Variants in TRIO observed in about 807,000 individuals in gnomAD.
TRIO encodes the protein triple functional domain protein.
TRIO carries 58 observed loss-of-function variants against 351.9 expected under a neutral mutation model. That is an observed-to-expected ratio of 0.16 (90% CI 0.13 to 0.21). The LOEUF (loss-of-function observed/expected upper bound fraction) is 0.21. TRIO is among the 10% of genes least tolerant of loss of function. The pLI is 1.00. For missense variants in TRIO, 3,201 were observed against 4,027.8 expected (o/e 0.79, Z 5.56); for synonymous variants, 1,758 against 1,595.7 (o/e 1.10, Z -2.42).
At chr5:14,244,002 C>A (rs1471543656) in intron 1 of TRIO, among the ~76,000 whole-genome samples, 1 of 152,222 alleles carries the variant, frequency 6.6e-6, no homozygotes, top group Non-Finnish European at 1.5e-5. Flanking sequence ...CCAGGACCTG[C>A]TTGGCTGTGC....
rs1795937041 is a variant in TRIO at position 14,270,850 on chromosome 5, A to G, written c.183A>G (p.Lys61=). 1 of 1,613,928 alleles carries G rather than the reference A, an allele frequency of 6.2e-7. No individual in the cohort carries two copies. The highest frequency in any genetic ancestry group is 1.7e-5 in the Admixed American group (1 of 59,984). ...GGTTTCGAAAAAACGATGAAATGAA[A>G]GCTATGGATGTTTTACCAATTTTGA... ...RSGFRKNDEM[K]AMDVLPILKE... is the part of the protein sequence containing the mutation. The change falls in exon 2 of 57, where the codon AAA becomes AAG. Residue 61 remains lysine (K), a synonymous_variant. Coordinates refer to ENST00000344204, the MANE Select transcript of TRIO (RefSeq NM_007118.4).
intron 45 of TRIO, 92 bp from the exon 46 acceptor site, chr5:14,482,490 A>G (rs532588259): frequency 3.0e-4 from 301 of 1,011,778 alleles, no homozygotes; most frequent in Non-Finnish European, 3.7e-4. Flanking sequence ...ACATTATTCC[A>G]TAGGAGGAAA....
intron 21 of TRIO, 46 bp from the exon 22 acceptor site, chr5:14,387,392 A>G (rs1402886686): frequency 1.9e-6 from 3 of 1,546,534 alleles, no homozygotes; most frequent in Middle Eastern, 3.5e-4. Context: ...GGTTTCTGGC[A>G]GTCGGATTCA....
In TRIO at chr5:14,481,606, G is replaced by T. The variant is rs778599236; in HGVS notation, c.6453G>T (p.Leu2151=). Residue 2151 remains leucine (L), a synonymous_variant, in exon 45 of 57, where the codon CTG becomes CTT. Transcript: ENST00000344204. ...ACGACATGATGAACGTGGGGCGGCTGCAAGGATTCGACGTAATGCGGCTCT... is the reference window on the plus strand; with the variant it reads ...ACGACATGATGAACGTGGGGCGGCTTCAAGGATTCGACGTAATGCGGCTCT... ...RCNDMMNVGR[L]QGFDGKIVAQ... 3.1e-6 allele frequency: 5 copies of T among 1,613,970 alleles called. No homozygotes were observed. The East Asian group carries it at 1.1e-4, about 36-fold the overall frequency.
At chr5:14,203,231 A>G (rs1422454916) in intron 1 of TRIO, among the ~76,000 whole-genome samples, 1 of 151,242 alleles carries the variant, frequency 6.6e-6, no homozygotes, top group Non-Finnish European at 1.5e-5. Flanking sequence ...AGAATGTCCT[A>G]TAATAGGCAA....
intron 53 of TRIO, among the ~76,000 whole-genome samples, chr5:14,500,912 A>AAC (rs1379192678): frequency 3.5e-5 from 5 of 141,046 alleles, no homozygotes; most frequent in East Asian, 2.0e-4. Flanking sequence ...AAAAAAAAAA[A>AAC]ACACACAGGG....
chr5:14,452,268 A>T (rs903832793), intron 34 of TRIO, among the ~76,000 whole-genome samples: 1 of 152,196 alleles, frequency 6.6e-6, no homozygotes. Flanking sequence ...GCTCTGCTTC[A>T]TCCTGCTTTC....
Position 14,280,447 on chromosome 5 carries a change from T to C in TRIO, c.347+11T>C, listed in dbSNP as rs996367159. ...AGCCTGTATTCCCAGGTAAGTTCTG[T>C]GTGGCTTGTGCTTGTCACTGATGTC... On this transcript the variant is annotated intron_variant, in intron 3 of 56. Coordinates refer to ENST00000344204, the MANE Select transcript of TRIO (RefSeq NM_007118.4). The C allele has an allele frequency of 6.2e-7, 1 of 1,608,924 alleles. No homozygotes were observed. Among genetic ancestry groups the C allele is most frequent in the Non-Finnish European group, 8.5e-7 (1 of 1,175,206 alleles).
chr5:14,423,489 A>G (rs532532665), intron 34 of TRIO, among the ~76,000 whole-genome samples: 20 of 152,338 alleles, frequency 1.3e-4, no homozygotes, highest in African/African-American at 4.3e-4. Context: ...AGAAATGTCA[A>G]GAATGTGTAT....
chr5:14,428,651 T>G (rs1419552257), intron 34 of TRIO, among the ~76,000 whole-genome samples: 5 of 152,256 alleles, frequency 3.3e-5, no homozygotes, highest in Non-Finnish European at 7.3e-5. Context: ...GTTTGAGGTA[T>G]TTTCGTGTTC....
intron 1 of TRIO, among the ~76,000 whole-genome samples, chr5:14,146,898 C>T (rs966402172): frequency 5.3e-5 from 8 of 152,204 alleles, no homozygotes; most frequent in African/African-American, 1.4e-4. Context: ...GCTGTCATTC[C>T]GTTCTCTGCT....
At chr5:14,442,448 C>T (rs965783722) in intron 34 of TRIO, among the ~76,000 whole-genome samples, 2 of 152,106 alleles carry the variant, frequency 1.3e-5, no homozygotes, top group Non-Finnish European at 2.9e-5. Context: ...GGGGAAGTGG[C>T]GCTGCTTAAC....
intron 4 of TRIO, among the ~76,000 whole-genome samples, chr5:14,287,721 A>G (rs924016170): frequency 6.6e-6 from 1 of 152,204 alleles, no homozygotes; most frequent in Non-Finnish European, 1.5e-5. Context: ...GTTTAATGAG[A>G]TGATTATGGG....
At chr5:14,180,634 G>C (rs33027) in intron 1 of TRIO, among the ~76,000 whole-genome samples, 65,867 of 152,014 alleles carry the variant, frequency 0.43, 16,626 homozygotes, top group Non-Finnish European at 0.56. Context: ...AGGAATTTGA[G>C]ACTAGTCTGG....
chr5:14,386,873 C>T (rs889509890), intron 21 of TRIO, among the ~76,000 whole-genome samples: 1 of 152,180 alleles, frequency 6.6e-6, no homozygotes, highest in Non-Finnish European at 1.5e-5. Flanking sequence ...AGTGAATTTT[C>T]CTTCACATTT....
chr5:14,312,973 C>T (rs899136582), intron 8 of TRIO, among the ~76,000 whole-genome samples: 1 of 152,182 alleles, frequency 6.6e-6, no homozygotes, highest in Admixed American at 6.5e-5. Context: ...CTATATATGC[C>T]ATCCTTTATG....
At chr5:14,219,452 C>A (rs1792451443) in intron 1 of TRIO, among the ~76,000 whole-genome samples, 2 of 152,174 alleles carry the variant, frequency 1.3e-5, no homozygotes, top group Non-Finnish European at 1.5e-5. Context: ...GCCTGTCTTA[C>A]CAACCCGTGT....
rs73749238 is a variant in TRIO, at chr5:14,407,540, G to A, written c.4959+868G>A. ...TAAGAACTCATGGCAGTGTAGAAGC[G>A]GAGCTGCTCTGATGGAAATGGGGGC... On this transcript the variant is annotated intron_variant, in intron 33 of 56. Transcript: ENST00000344204. Among the ~76,000 whole-genome samples, 634 of 152,252 alleles carry A rather than the reference G, an allele frequency of 4.2e-3. 2 individuals are homozygous for A. The highest frequency in any genetic ancestry group is 0.013 in the African/African-American group (520 of 41,528).
At chr5:14,468,289 A>G (rs1300049626) in intron 37 of TRIO, among the ~76,000 whole-genome samples, 1 of 152,264 alleles carries the variant, frequency 6.6e-6, no homozygotes, top group African/African-American at 2.4e-5. Context: ...AGCTGTTGGC[A>G]TAGGAAAGGC....
Sources: gnomAD v4.1 joint callset for allele counts (sites outside exome capture counted in the v4.1 genomes callset) on GRCh38, gnomAD v4.1.1 for gene constraint, MANE v1.5 for transcripts, NCBI Gene and HGNC (gene_info 2026-07-23, HGNC 2026-07-21) for gene names.